CDC40: variants seen among roughly 807,000 people sequenced by gnomAD.
CDC40 encodes the protein cell division cycle 40, also known as pre-mRNA-processing factor 17.
In CDC40, 27 loss-of-function variants were observed where a neutral mutation model predicts 80.6. The ratio of observed to expected loss-of-function variants is 0.33; its 90% confidence interval spans 0.25 to 0.46. The LOEUF is 0.46. CDC40 is among the 20% of genes least tolerant of loss of function. The pLI is 1.00. For synonymous variants in CDC40, 221 were observed against 232.6 expected (o/e 0.95, Z 0.45); for missense variants, 486 against 694.1 (o/e 0.70, Z 3.37).
intron 2 of CDC40, among the ~76,000 whole-genome samples, chr6:110,197,864 C>T (rs1275564874): frequency 6.6e-6 from 1 of 152,122 alleles, no homozygotes; most frequent in East Asian, 1.9e-4. Context: ...CGTGGGAATA[C>T]AGATATCTCT....
At chr6:110,185,215 C>T (rs1201223378) in intron 1 of CDC40, among the ~76,000 whole-genome samples, 1 of 151,396 alleles carries the variant, frequency 6.6e-6, no homozygotes, top group South Asian at 2.1e-4. Flanking sequence ...CTCTCTTTCA[C>T]CCTTTCTTTT....
chr6:110,198,399 AC>A (rs1260433143), intron 2 of CDC40, among the ~76,000 whole-genome samples: 1 of 151,588 alleles, frequency 6.6e-6, no homozygotes, highest in Non-Finnish European at 1.5e-5. Flanking sequence ...CTGGTCTTGA[AC>A]CCCTGACCTC....
chr6:110,215,179 T>C (rs770133096), intron 8 of CDC40, 107 bp from the exon 9 acceptor site: 5 of 813,312 alleles, frequency 6.1e-6, no homozygotes, highest in Non-Finnish European at 1.1e-5. Context: ...GCTGTGCGTT[T>C]ACACACACAG....
intron 14 of CDC40, 29 bp downstream of exon 14, chr6:110,229,005 G>T: frequency 6.5e-7 from 1 of 1,545,414 alleles, no homozygotes. Flanking sequence ...ATCCATTCTC[G>T]TATTCAAATA....
chr6:110,213,885 G>A (rs1210740462), intron 8 of CDC40, among the ~76,000 whole-genome samples: 1 of 152,086 alleles, frequency 6.6e-6, no homozygotes, highest in Admixed American at 6.5e-5. Flanking sequence ...CGTTGCCAAT[G>A]CATCTCAACC....
rs758926138 is a variant in CDC40 at position 110,180,480 on chromosome 6, T to C, written c.36T>C (p.Tyr12=). ...SAAIAALAAS[Y]GSGSGSESDS... The stretch of plus-strand genomic sequence containing the variant: ...CGATTGCAGCTCTGGCCGCTTCCTA[T>C]GGTTCGGGTTCAGGGTCCGAATCGG... Residue 12 remains tyrosine (Y), a synonymous_variant, in exon 1 of 15, where the codon TAT becomes TAC. Coordinates refer to ENST00000307731, the MANE Select transcript of CDC40 (RefSeq NM_015891.3). The C allele has an allele frequency of 1.2e-6, 2 of 1,614,188 alleles. No individual in the cohort carries two copies. The highest frequency in any genetic ancestry group is 3.3e-5 in the Admixed American group (2 of 60,022).
rs1027774763 is a variant in CDC40 at position 110,231,798 on chromosome 6, C to T, written c.*1667C>T. The T allele has an allele frequency of 1.4e-5, 2 of 145,770 alleles. No homozygotes were observed. Among genetic ancestry groups the T allele is most frequent in the African/African-American group, 5.1e-5 (2 of 38,954 alleles). 9.0% of individuals were successfully genotyped at this position (145,770 alleles called of 1,614,324 possible). On this transcript the variant is annotated 3_prime_UTR_variant, in exon 15 of 15. Coordinates refer to ENST00000307731, the MANE Select transcript of CDC40 (RefSeq NM_015891.3). ...TTTTAGAAATTTAGATTTTAAAAGG[C>T]GTGGGACATACGACCAGGCCCTATA...
intron 2 of CDC40, among the ~76,000 whole-genome samples, chr6:110,195,000 A>T (rs1306552360): frequency 1.3e-5 from 2 of 152,198 alleles, no homozygotes; most frequent in Non-Finnish European, 2.9e-5. Flanking sequence ...TTAAATGTAT[A>T]AATTAGTTTA....
chr6:110,230,108 G>A lies in CDC40; in HGVS notation c.1717G>A (p.Gly573Ser), dbSNP rs1369525650. 6 of 1,611,296 alleles carry A rather than the reference G, an allele frequency of 3.7e-6. No homozygotes were observed. In the South Asian group the frequency reaches 5.5e-5, roughly 15 times the overall value. ...TSKVITCGWD[G>S]LIKLWD The stretch of plus-strand genomic sequence containing the variant: ...TAAGGTCATAACATGTGGTTGGGAT[G>A]GTCTCATTAAATTGTGGGATTAATG... The change falls in exon 15 of 15, where the codon GGT (glycine) becomes AGT (serine). Residue 573 changes from glycine to serine, a missense_variant. Physicochemically the swap from Gly to Ser is moderately conservative, Grantham distance 56. Coordinates refer to ENST00000307731, the MANE Select transcript of CDC40 (RefSeq NM_015891.3).
chr6:110,212,938 T>G (rs1366640197), intron 7 of CDC40, 148 bp from the exon 8 acceptor site: 2 of 656,582 alleles, frequency 3.0e-6, no homozygotes, highest in Non-Finnish European at 5.5e-6. Context: ...GCTCTTGGAA[T>G]GCTAATGAAA....
intron 1 of CDC40, among the ~76,000 whole-genome samples, chr6:110,186,885 C>T (rs1777279511): frequency 6.6e-6 from 1 of 152,190 alleles, no homozygotes; most frequent in Non-Finnish European, 1.5e-5. Flanking sequence ...CTTATCACTT[C>T]ACATATTATT....
At chr6:110,228,454 A>C (rs905132332) in intron 13 of CDC40, among the ~76,000 whole-genome samples, 55 of 152,214 alleles carry the variant, frequency 3.6e-4, no homozygotes, top group African/African-American at 1.3e-3. Context: ...TAATTACCAC[A>C]GATAAGTCTC....
At chr6:110,190,867 C>T (rs946825569) in intron 1 of CDC40, among the ~76,000 whole-genome samples, 4 of 152,090 alleles carry the variant, frequency 2.6e-5, no homozygotes, top group South Asian at 2.1e-4. Flanking sequence ...CACAGTTGCC[C>T]GGCATGACCT....
rs1247235902 is a variant in CDC40, at chr6:110,215,331, G to A, written c.988G>A (p.Gly330Ser). Residue 330 changes from glycine to serine, a missense_variant and splice_region_variant, in exon 9 of 15, where the codon GGT becomes AGT. This residue lies in a region of CDC40 where 381 missense variants were observed against 492.1 expected (regional missense o/e 0.77). Coordinates refer to ENST00000307731, the MANE Select transcript of CDC40 (RefSeq NM_015891.3). ...ACGGCGCTGTCTGAGAACATTTATTGGTAATGCTTCTTTTCTCTCCAACAT... is the reference window on the plus strand; with the variant it reads ...ACGGCGCTGTCTGAGAACATTTATTAGTAATGCTTCTTTTCTCTCCAACAT... Reference protein sequence around the residue: ...GERRCLRTFIGHSKAVRDICF... With the variant: ...GERRCLRTFISHSKAVRDICF... 1 of 1,611,230 alleles carries A rather than the reference G, an allele frequency of 6.2e-7. No homozygotes were observed. Among genetic ancestry groups the A allele is most frequent in the African/African-American group, 1.3e-5 (1 of 74,924 alleles).
At chr6:110,193,653 C>A (rs994140792) in intron 2 of CDC40, among the ~76,000 whole-genome samples, 1 of 152,170 alleles carries the variant, frequency 6.6e-6, no homozygotes, top group Admixed American at 6.5e-5. Flanking sequence ...GATCCGCCCT[C>A]CTGGGCCTCC....
intron 2 of CDC40, among the ~76,000 whole-genome samples, chr6:110,193,579 G>C (rs1258663225): frequency 6.6e-6 from 1 of 151,704 alleles, no homozygotes; most frequent in Non-Finnish European, 1.5e-5. Flanking sequence ...TAATTTTTTT[G>C]TATTTTTAGT....
chr6:110,202,911 G>A (rs1417116380), intron 3 of CDC40, among the ~76,000 whole-genome samples: 2 of 151,936 alleles, frequency 1.3e-5, no homozygotes, highest in African/African-American at 4.8e-5. Context: ...TGGAGAGCTA[G>A]GACACAGGTT....
chr6:110,201,626 C>G lies in CDC40; in HGVS notation c.345C>G (p.Ala115=). ...AAPRNMLSGY[A]EPAHINDFMF... ...CTAGAAATATGCTTTCTGGATATGC[C>G]GAACCAGCTCATATCAATGATTTCA... The change falls in exon 3 of 15, where the codon GCC becomes GCG. Residue 115 remains alanine (A), a synonymous_variant. Coordinates refer to ENST00000307731, the MANE Select transcript of CDC40 (RefSeq NM_015891.3). 1.2e-6 allele frequency: 2 copies of G among 1,612,850 alleles called. No individual in the cohort carries two copies. Among genetic ancestry groups the G allele is most frequent in the Non-Finnish European group, 8.5e-7 (1 of 1,179,098 alleles).
chr6:110,216,723 C>A (rs1278255402), intron 9 of CDC40, among the ~76,000 whole-genome samples: 1 of 152,062 alleles, frequency 6.6e-6, no homozygotes, highest in Non-Finnish European at 1.5e-5. Context: ...CACAATTGTA[C>A]GTGTCTTGGT....
Sources: allele counts gnomAD v4.1 joint callset (sites outside exome capture counted in the v4.1 genomes callset), GRCh38; gene constraint gnomAD v4.1.1; regional missense constraint gnomAD v4.1.1; transcripts MANE v1.5; gene names NCBI Gene and HGNC (gene_info 2026-07-23, HGNC 2026-07-21).